Variants in RFX1 observed in about 807,000 individuals in gnomAD.
RFX1 encodes the protein regulatory factor X1.
A neutral mutation model predicts 119.6 loss-of-function variants in RFX1; 42 were observed. The observed-to-expected ratio is 0.35, with a 90% CI of 0.27 to 0.45. RFX1 has a LOEUF of 0.45. Ranked by LOEUF, RFX1 falls within the 20% of genes least tolerant of loss-of-function variation. RFX1 has a pLI of 1.00. For synonymous variants in RFX1, 628 were observed against 618.5 expected (o/e 1.02, Z -0.23); for missense variants, 1,118 against 1,368.1 (o/e 0.82, Z 2.88).
rs1974585683 is a variant in RFX1, at chr19:13,986,126, A to G, written c.320-2531T>C. On this transcript the variant is annotated intron_variant, in intron 2 of 20. Coordinates refer to ENST00000254325, the MANE Select transcript of RFX1 (RefSeq NM_002918.5). This position sits in a 1 kb window ranked among gnomAD's most constrained non-coding sequence, Gnocchi z 4.2. Reference sequence around the variant, plus strand: ...GAGAAACCCGAGACAGCCCCGAGTCATGTGACCGGCACTGCACACCTGGGT... The same window carrying G: ...GAGAAACCCGAGACAGCCCCGAGTCGTGTGACCGGCACTGCACACCTGGGT... Among the ~76,000 whole-genome samples, 1 of 152,158 alleles carries G rather than the reference A, an allele frequency of 6.6e-6. No homozygotes were observed. The highest frequency in any genetic ancestry group is 1.5e-5 in the Non-Finnish European group (1 of 68,002).
chr19:13,994,878 A>C (rs1478332685), intron 1 of RFX1, among the ~76,000 whole-genome samples: 1 of 130,004 alleles, frequency 7.7e-6, no homozygotes, highest in African/African-American at 2.9e-5. Context: ...GTATATGTAT[A>C]TTGAAATATA....
At position 13,990,560 on chromosome 19, in the gene RFX1, G is replaced by A. The variant is rs902593297; in HGVS notation, c.319+2965C>T. Among the ~76,000 whole-genome samples the A allele has an allele frequency of 1.3e-5, 2 of 152,138 alleles. No individual in the cohort carries two copies. The highest frequency in any genetic ancestry group is 2.1e-4 in the South Asian group (1 of 4,824). ...AGGCCGGGCGCGGTGGCTCACGCCT[G>A]TAATCCCAGCACTTTTGGAGGCCGA... On this transcript the variant is annotated intron_variant, in intron 2 of 20. Transcript: ENST00000254325. This position sits in a 1 kb window ranked among gnomAD's most constrained non-coding sequence, Gnocchi z 4.1.
chr19:14,002,447 T>G (rs1438670848), intron 1 of RFX1, among the ~76,000 whole-genome samples: 1 of 151,716 alleles, frequency 6.6e-6, no homozygotes, highest in African/African-American at 2.4e-5. Context: ...ATCACGCCAC[T>G]GCACTCCATC....
In RFX1 at chr19:13,965,588, A is replaced by G; in HGVS notation, c.2113+38T>C. On this transcript the variant is annotated intron_variant, in intron 15 of 20. Transcript: ENST00000254325. The surrounding 1 kb of genome is among the most constrained non-coding windows in gnomAD (Gnocchi z 4.7). ...GGGTCGGTCAGGGCAGGGCGGGTGT[A>G]TGTGGGGCAGGGGATGCCGAGCAGG... is the stretch of plus-strand genomic sequence containing the variant. 3 of 1,612,104 alleles carry G rather than the reference A, an allele frequency of 1.9e-6. No homozygotes were observed. The highest frequency in any genetic ancestry group is 1.7e-5 in the Admixed American group (1 of 59,946).
rs1285442837 is a variant in RFX1, at chr19:13,968,799, C to T, written c.1592G>A (p.Gly531Asp). 6.3e-7 allele frequency: 1 copy of T among 1,576,774 alleles called. No homozygotes were observed. The change falls in exon 11 of 21, where the codon GGC (glycine) becomes GAC (aspartate). Residue 531 changes from glycine to aspartate, a missense_variant. By Grantham distance (94) the Gly-to-Asp change is moderately conservative. Coordinates refer to ENST00000254325, the MANE Select transcript of RFX1 (RefSeq NM_002918.5). This position sits in a 1 kb window ranked among gnomAD's most constrained non-coding sequence, Gnocchi z 5.5. ...MEDQQHMAMR[G>D]QPFSQKQRLK... ...CCTCTGCTTCTGCGAGAAGGGCTGG[C>T]CCCGCATGGCCATGTGCTGCTGGTC...
chr19:13,981,699 C>T (rs1270938612), intron 5 of RFX1, among the ~76,000 whole-genome samples: 1 of 152,244 alleles, frequency 6.6e-6, no homozygotes, highest in African/African-American at 2.4e-5. Flanking sequence ...ACAGCATCCA[C>T]AGCCTGTCTT....
At chr19:13,994,813 T>C (rs1974937284) in intron 1 of RFX1, among the ~76,000 whole-genome samples, 1 of 146,040 alleles carries the variant, frequency 6.8e-6, no homozygotes, top group African/African-American at 2.5e-5. Context: ...ATATATAGTA[T>C]ATATATACAC....
intron 5 of RFX1, 95 bp downstream of exon 5, chr19:13,982,026 G>A (rs1013158980): frequency 1.2e-5 from 6 of 487,408 alleles, no homozygotes; most frequent in Non-Finnish European, 2.0e-5. Context: ...GTGGGCTTGG[G>A]GGGCGGGGCA....
At chr19:13,967,216 G>A (rs997036034) in intron 12 of RFX1, among the ~76,000 whole-genome samples, 2 of 152,222 alleles carry the variant, frequency 1.3e-5, no homozygotes, top group Non-Finnish European at 2.9e-5. Context: ...CCGGCCTCCA[G>A]GGCAGGTGGG....
chr19:13,981,001 C>T (rs922666627), intron 5 of RFX1, among the ~76,000 whole-genome samples: 6 of 152,208 alleles, frequency 3.9e-5, no homozygotes, highest in African/African-American at 7.2e-5. Flanking sequence ...ATAGCAATGA[C>T]GACAGCAGCC....
At chr19:14,000,361 C>G (rs1975175121) in intron 1 of RFX1, among the ~76,000 whole-genome samples, 1 of 152,102 alleles carries the variant, frequency 6.6e-6, no homozygotes, top group Non-Finnish European at 1.5e-5. Flanking sequence ...TGGTGTGTGG[C>G]TGTAATCCCA....
At chr19:13,984,226 G>GC (rs1277165684) in intron 2 of RFX1, among the ~76,000 whole-genome samples, 683 of 52,636 alleles carry the variant, frequency 0.013, 2 homozygotes, top group African/African-American at 0.043. Flanking sequence ...CACCCCACCC[G>GC]CCCCCCACCC....
intron 17 of RFX1, 27 bp downstream of exon 17, chr19:13,963,831 G>GCCCCCCCCC: frequency 6.7e-7 from 1 of 1,487,658 alleles, no homozygotes; most frequent in Non-Finnish European, 8.9e-7. Context: ...CCCCTCATTC[G>GCCCCCCCCC]CCCGCCCCGC....
chr19:13,996,357 C>G (rs943109800), intron 1 of RFX1, among the ~76,000 whole-genome samples: 14 of 152,252 alleles, frequency 9.2e-5, no homozygotes, highest in African/African-American at 3.1e-4. Context: ...GTACTGCCTC[C>G]TGGCTAGCAA....
At chr19:13,983,417 C>A in intron 3 of RFX1, 69 bp downstream of exon 3, 1 of 1,322,526 alleles carries the variant, frequency 7.6e-7, no homozygotes, top group Non-Finnish European at 1.1e-6. Flanking sequence ...AGGTGAGGCC[C>A]CCGAGGACGC....
Position 13,966,305 on chromosome 19 carries a change from G to A in RFX1, c.1961+116C>T. On this transcript the variant is annotated intron_variant, in intron 14 of 20. Coordinates refer to ENST00000254325, the MANE Select transcript of RFX1 (RefSeq NM_002918.5). The surrounding 1 kb of genome is among the most constrained non-coding windows in gnomAD (Gnocchi z 6.3). ...ACACACTCCACACAGCCAAGGATATGTGTACCCCACAAACTGCAGGGGACA... is the reference window on the plus strand; with the variant it reads ...ACACACTCCACACAGCCAAGGATATATGTACCCCACAAACTGCAGGGGACA... The A allele has an allele frequency of 4.6e-6, 3 of 658,434 alleles. No homozygotes were observed. The highest frequency in any genetic ancestry group is 8.1e-6 in the Non-Finnish European group (3 of 371,284). The allele number at this position is 658,434 out of a possible 1,614,324, so 40.8% of individuals were successfully genotyped here.
chr19:13,962,977 GA>G lies in RFX1; in HGVS notation c.2770+16del. The G allele has an allele frequency of 6.5e-7, 1 of 1,550,054 alleles. No homozygotes were observed. The highest frequency in any genetic ancestry group is 1.4e-5 in the African/African-American group (1 of 73,120). On this transcript the variant is annotated intron_variant, in intron 20 of 20. Coordinates refer to ENST00000254325, the MANE Select transcript of RFX1 (RefSeq NM_002918.5). The stretch of plus-strand genomic sequence containing the variant: ...CCCCCGGGACCCGCGCCCTGGGTGG[GA>G]ACACGCCTCGCCTACCTTTGTCGGG...
chr19:13,988,312 T>G (rs537089264), intron 2 of RFX1, among the ~76,000 whole-genome samples: 1 of 152,204 alleles, frequency 6.6e-6, no homozygotes, highest in South Asian at 2.1e-4. Context: ...GGTCTTGACT[T>G]TGAAGCACCA....
chr19:13,995,029 A>C (rs910663640), intron 1 of RFX1, among the ~76,000 whole-genome samples: 2 of 148,842 alleles, frequency 1.3e-5, no homozygotes, highest in African/African-American at 5.0e-5. Context: ...TTAGCCTCCC[A>C]AAAAGTGCTG....
Sources: allele counts gnomAD v4.1 joint callset (sites outside exome capture counted in the v4.1 genomes callset), GRCh38; gene constraint gnomAD v4.1.1; non-coding constraint Gnocchi (gnomAD v3.1); transcripts MANE v1.5; gene names NCBI Gene and HGNC (gene_info 2026-07-23, HGNC 2026-07-21).